The following PLD5 variants were observed in gnomAD, a reference collection of about 807,000 sequenced individuals.
PLD5 encodes inactive phospholipase D5.
PLD5 carries 36 observed loss-of-function variants against 61.1 expected under a neutral mutation model. The observed-to-expected ratio is 0.59, with a 90% CI of 0.45 to 0.78. The LOEUF is 0.78. PLD5 is among the 30% of genes least tolerant of loss of function. PLD5 has a pLI of 0.00. For synonymous variants in PLD5, 243 were observed against 242.8 expected, an observed-to-expected ratio of 1.00 and a Z score of -0.01; for missense variants, 515 against 644.4, an observed-to-expected ratio of 0.80 and a Z score of 2.17.
intron 1 of PLD5, among the ~76,000 whole-genome samples, chr1:242,406,957 T>C (rs1664263920): frequency 6.6e-6 from 1 of 152,178 alleles, no homozygotes; most frequent in Admixed American, 6.5e-5. Flanking sequence ...AATTGCCTAC[T>C]TTTTGTTTCT....
chr1:242,466,871 G>T (rs1667293098), intron 1 of PLD5, among the ~76,000 whole-genome samples: 1 of 151,002 alleles, frequency 6.6e-6, no homozygotes, highest in Non-Finnish European at 1.5e-5. Flanking sequence ...CCAGCCTGCG[G>T]TACAGAGTGA....
intron 1 of PLD5, among the ~76,000 whole-genome samples, chr1:242,413,698 C>T (rs1437618480): frequency 6.6e-6 from 1 of 152,122 alleles, no homozygotes; most frequent in Non-Finnish European, 1.5e-5. Context: ...GGAAAAGCTT[C>T]ATGGAGGAAG....
intron 2 of PLD5, 75 bp from the exon 3 acceptor site, chr1:242,288,605 C>T (rs1574671903): frequency 1.4e-6 from 2 of 1,477,470 alleles, no homozygotes; most frequent in African/African-American, 2.9e-5. Context: ...TATATGCATA[C>T]AGCAGACATC....
At chr1:242,449,278 C>G (rs2102921346) in intron 1 of PLD5, 2 of 1,525,812 alleles carry the variant, frequency 1.3e-6, no homozygotes, top group Admixed American at 3.9e-5. Flanking sequence ...TACCAACAGC[C>G]ATTTTCACCA....
At chr1:242,205,073 C>T (rs947236369) in intron 5 of PLD5, among the ~76,000 whole-genome samples, 2 of 152,030 alleles carry the variant, frequency 1.3e-5, no homozygotes, top group African/African-American at 4.8e-5. Flanking sequence ...AAGCTGTGAC[C>T]GGGATAGAGA....
chr1:242,502,836 G>A (rs1427717469), intron 1 of PLD5, among the ~76,000 whole-genome samples: 4 of 152,008 alleles, frequency 2.6e-5, no homozygotes, highest in Non-Finnish European at 4.4e-5. Flanking sequence ...TGAGGTGGGC[G>A]GATCACCTGA....
chr1:242,462,658 T>C (rs1667154979), intron 1 of PLD5, among the ~76,000 whole-genome samples: 1 of 151,796 alleles, frequency 6.6e-6, no homozygotes, highest in Non-Finnish European at 1.5e-5. Context: ...CCTGGAGCCA[T>C]TGCCTGGACT....
intron 2 of PLD5, among the ~76,000 whole-genome samples, chr1:242,290,168 T>A (rs896367478): frequency 3.4e-5 from 5 of 146,806 alleles, no homozygotes; most frequent in African/African-American, 1.0e-4. Flanking sequence ...AGGTAGACTC[T>A]AATAAATGGT....
chr1:242,107,973 A>G (rs571095679), intron 7 of PLD5, 134 bp from the exon 8 acceptor site: 2 of 815,296 alleles, frequency 2.5e-6, no homozygotes, highest in East Asian at 3.0e-5. Flanking sequence ...ACCTCATCGG[A>G]GAGGCTGAAA....
intron 1 of PLD5, among the ~76,000 whole-genome samples, chr1:242,435,762 T>C (rs4589095): frequency 0.26 from 40,010 of 151,904 alleles, 6,614 homozygotes; most frequent in African/African-American, 0.47. Context: ...CTTTATGGAA[T>C]GTAACTGCTA....
At chr1:242,212,669 A>C (rs1227911483) in intron 5 of PLD5, among the ~76,000 whole-genome samples, 2 of 152,208 alleles carry the variant, frequency 1.3e-5, no homozygotes, top group Non-Finnish European at 2.9e-5. Flanking sequence ...CACAGCGCCT[A>C]AGCAGGTGCA....
intron 1 of PLD5, among the ~76,000 whole-genome samples, chr1:242,467,674 A>G (rs1038560056): frequency 7.9e-5 from 12 of 152,328 alleles, no homozygotes; most frequent in African/African-American, 2.6e-4. Flanking sequence ...GGGAAAATCC[A>G]AGTTAAACAG....
intron 2 of PLD5, among the ~76,000 whole-genome samples, chr1:242,306,740 AACACACACACACACAC>A (rs34083497): frequency 0.76 from 107,578 of 141,066 alleles, 40,286 homozygotes; most frequent in East Asian, 0.86. Context: ...AATTTATTAA[AACACACACACACACAC>A]ACACACACAC....
At chr1:242,098,081 T>C (rs946574698) in intron 9 of PLD5, among the ~76,000 whole-genome samples, 6 of 152,182 alleles carry the variant, frequency 3.9e-5, no homozygotes, top group Non-Finnish European at 7.3e-5. Flanking sequence ...GCATTCTCTG[T>C]ATTTCCTGAA....
intron 1 of PLD5, among the ~76,000 whole-genome samples, chr1:242,449,939 G>A (rs944038179): frequency 2.0e-5 from 3 of 152,202 alleles, no homozygotes; most frequent in Non-Finnish European, 4.4e-5. Context: ...ATCCTGTGGC[G>A]TAGCGCTGTC....
chr1:242,292,815 T>C (rs1409898799), intron 2 of PLD5, among the ~76,000 whole-genome samples: 1 of 152,234 alleles, frequency 6.6e-6, no homozygotes, highest in African/African-American at 2.4e-5. Flanking sequence ...GATCTTGTCA[T>C]TTTGTGAATA....
At chr1:242,422,421 T>C (rs1665193843) in intron 1 of PLD5, among the ~76,000 whole-genome samples, 1 of 152,182 alleles carries the variant, frequency 6.6e-6, no homozygotes, top group Non-Finnish European at 1.5e-5. Flanking sequence ...TTAGAAAAAG[T>C]GGATAATGCA....
At chr1:242,295,619 G>A (rs1009653651) in intron 2 of PLD5, among the ~76,000 whole-genome samples, 6 of 152,130 alleles carry the variant, frequency 3.9e-5, no homozygotes, top group African/African-American at 9.7e-5. Flanking sequence ...GCAAGTGTCC[G>A]TTTGATAAAA....
chr1:242,436,251 G>A (rs940395863), intron 1 of PLD5, among the ~76,000 whole-genome samples: 10 of 151,942 alleles, frequency 6.6e-5, no homozygotes, highest in African/African-American at 1.5e-4. Flanking sequence ...CATTTCTTTC[G>A]TAGGTCTTAT....
Sources: allele counts gnomAD v4.1 joint callset (sites outside exome capture counted in the v4.1 genomes callset), GRCh38; gene constraint gnomAD v4.1.1; transcripts MANE v1.5; gene names NCBI Gene and HGNC (gene_info 2026-07-23, HGNC 2026-07-21).